FAR2: variants seen among roughly 807,000 people sequenced by gnomAD.
FAR2 encodes fatty acyl-CoA reductase 2, also known as epididymis secretory protein Li 81.
In FAR2, 19 loss-of-function variants were observed where a neutral mutation model predicts 56.0. The ratio of observed to expected loss-of-function variants is 0.34; its 90% CI spans 0.24 to 0.50. The LOEUF (loss-of-function observed/expected upper bound fraction) is 0.50. FAR2 is among the 20% of genes least tolerant of loss of function. The pLI is 0.98. For synonymous variants in FAR2, 219 were observed against 218.8 expected, an observed-to-expected ratio of 1.00 and a Z score of -0.01; for missense variants, 508 against 642.2, an observed-to-expected ratio of 0.79 and a Z score of 2.26.
chr12:29,313,736 TTTATAA>T (rs1272089124), intron 8 of FAR2, among the ~76,000 whole-genome samples: 1 of 152,160 alleles, frequency 6.6e-6, no homozygotes, highest in African/African-American at 2.4e-5. Context: ...CTAAACTGTA[TTTATAA>T]TTATGTTTCT....
intron 1 of FAR2, among the ~76,000 whole-genome samples, chr12:29,201,371 T>A (rs1281154624): frequency 6.6e-6 from 1 of 152,186 alleles, no homozygotes; most frequent in Non-Finnish European, 1.5e-5. Flanking sequence ...TACAGATACC[T>A]TCTGAACAAG....
chr12:29,233,382 C>A (rs142325742), intron 1 of FAR2, among the ~76,000 whole-genome samples: 173 of 152,292 alleles, frequency 1.1e-3, no homozygotes, highest in African/African-American at 3.8e-3. Context: ...CTCACTCCTT[C>A]ACTCTTCACT....
intron 1 of FAR2, among the ~76,000 whole-genome samples, chr12:29,242,674 C>T (rs768158571): frequency 2.6e-5 from 4 of 152,202 alleles, no homozygotes; most frequent in Non-Finnish European, 4.4e-5. Flanking sequence ...AACCAGCAGG[C>T]CTGCAGGCCG....
chr12:29,321,389 A>C (rs1163094946), intron 9 of FAR2, among the ~76,000 whole-genome samples: 1 of 152,092 alleles, frequency 6.6e-6, no homozygotes, highest in African/African-American at 2.4e-5. Context: ...GCTGGGCCCC[A>C]CTGCGCTCCA....
chr12:29,175,807 T>C (rs530529219), intron 1 of FAR2, among the ~76,000 whole-genome samples: 10 of 152,238 alleles, frequency 6.6e-5, no homozygotes. Context: ...TGTTGATTGG[T>C]GCATTTACAA....
At chr12:29,313,490 T>C (rs1225687980) in intron 8 of FAR2, among the ~76,000 whole-genome samples, 1 of 152,162 alleles carries the variant, frequency 6.6e-6, no homozygotes, top group Non-Finnish European at 1.5e-5. Flanking sequence ...CTGAAAGTGT[T>C]TGTGTAATAT....
At chr12:29,281,351 A>G (rs757470800) in intron 2 of FAR2, 2 of 152,194 alleles carry the variant, frequency 1.3e-5, no homozygotes, top group Admixed American at 6.5e-5. Flanking sequence ...GAAGCTTCCT[A>G]CACTGGGAGT....
intron 1 of FAR2, among the ~76,000 whole-genome samples, chr12:29,187,491 G>A (rs888910413): frequency 1.3e-5 from 2 of 151,986 alleles, no homozygotes; most frequent in East Asian, 3.9e-4. Flanking sequence ...GCAAACCATA[G>A]ATTTTAAAGT....
intron 1 of FAR2, among the ~76,000 whole-genome samples, chr12:29,175,743 C>T (rs560123847): frequency 9.9e-5 from 15 of 152,204 alleles, no homozygotes; most frequent in Non-Finnish European, 2.1e-4. Context: ...CTGATTGGTG[C>T]GTTTACAATC....
At chr12:29,204,112 G>A (rs1219542542) in intron 1 of FAR2, among the ~76,000 whole-genome samples, 1 of 151,172 alleles carries the variant, frequency 6.6e-6, no homozygotes, top group African/African-American at 2.4e-5. Flanking sequence ...AACTTGGCAA[G>A]TAGCACAGTC....
chr12:29,295,757 T>C (rs1022312226), intron 3 of FAR2, among the ~76,000 whole-genome samples: 1 of 1,954 alleles, frequency 5.1e-4, no homozygotes, highest in Non-Finnish European at 1.2e-3. Flanking sequence ...TTTTACGTAA[T>C]TTTTTTTTTT....
rs545234326 is a variant in FAR2, at chr12:29,163,013, G to A, written c.-39+13606G>A. 8.3e-4 allele frequency among the ~76,000 whole-genome samples: 127 copies of A among 152,310 alleles called. 1 individual carries two copies. Among genetic ancestry groups the A allele is most frequent in the African/African-American group, 2.9e-3 (120 of 41,564 alleles). On this transcript the variant is annotated intron_variant, in intron 1 of 11. Coordinates refer to ENST00000536681, the MANE Select transcript of FAR2 (RefSeq NM_001271783.2). The stretch of plus-strand genomic sequence containing the variant: ...AGTGGAGAAAATAGACAACTAAGTA[G>A]TCACTTACATAAATGTGATAATGAA...
intron 1 of FAR2, among the ~76,000 whole-genome samples, chr12:29,198,594 CT>C (rs1565689369): frequency 1.3e-5 from 2 of 151,898 alleles, no homozygotes; most frequent in African/African-American, 4.8e-5. Context: ...ATGTTCATAG[CT>C]TTGTTAGAAG....
In FAR2 at chr12:29,251,872, A is replaced by G. The variant is rs192482235; in HGVS notation, c.-38-18540A>G. 8.9e-4 allele frequency among the ~76,000 whole-genome samples: 136 copies of G among 152,280 alleles called. 1 individual carries two copies. The highest frequency in any genetic ancestry group is 2.9e-4 in the Non-Finnish European group (20 of 68,018). Reference sequence around the variant, plus strand: ...CCCAGAGCCAGGATTCATGGGTCCAAGATCAAGGGGTGAATGTCAGAGTGG... The same window carrying G: ...CCCAGAGCCAGGATTCATGGGTCCAGGATCAAGGGGTGAATGTCAGAGTGG... On this transcript the variant is annotated intron_variant, in intron 1 of 11. Transcript: ENST00000536681.
At chr12:29,270,781 A>G (rs1162781972) in intron 2 of FAR2, 143 bp downstream of exon 2, 3 of 591,680 alleles carry the variant, frequency 5.1e-6, no homozygotes, top group Non-Finnish European at 7.9e-6. Flanking sequence ...CAAGACAGCA[A>G]CAAGCTGCTG....
chr12:29,330,554 A>G (rs1949716848), intron 10 of FAR2, among the ~76,000 whole-genome samples: 1 of 152,206 alleles, frequency 6.6e-6, no homozygotes, highest in Non-Finnish European at 1.5e-5. Flanking sequence ...TGATTAAAAT[A>G]TAACATTTAA....
intron 3 of FAR2, among the ~76,000 whole-genome samples, chr12:29,295,502 A>T (rs1565510066): frequency 6.6e-6 from 1 of 152,186 alleles, no homozygotes; most frequent in Non-Finnish European, 1.5e-5. Flanking sequence ...CATATGTAGA[A>T]TACTTGGGAG....
chr12:29,271,522 CT>C (rs1948618502), intron 2 of FAR2, among the ~76,000 whole-genome samples: 1 of 152,108 alleles, frequency 6.6e-6, no homozygotes, highest in African/African-American at 2.4e-5. Context: ...TTCAGAGTTC[CT>C]TTTTTTACAA....
intron 4 of FAR2, among the ~76,000 whole-genome samples, chr12:29,305,855 C>T (rs1439656894): frequency 2.0e-5 from 3 of 152,128 alleles, no homozygotes; most frequent in Non-Finnish European, 4.4e-5. Context: ...AGCAAACTCA[C>T]CAAGCTTTAT....
Sources: allele counts gnomAD v4.1 joint callset (sites outside exome capture counted in the v4.1 genomes callset), GRCh38; gene constraint gnomAD v4.1.1; transcripts MANE v1.5; gene names NCBI Gene and HGNC (gene_info 2026-07-23, HGNC 2026-07-21).